SLC15A5: variants seen among roughly 807,000 people sequenced by gnomAD.
SLC15A5 encodes the protein solute carrier family 15 member 5, also known as Peptide/histidine transporter ENSP00000340402.
In SLC15A5, 58 loss-of-function variants were observed where a neutral mutation model predicts 56.1. The ratio of observed to expected loss-of-function variants is 1.03; its 90% CI spans 0.84 to 1.29. The LOEUF (loss-of-function observed/expected upper bound fraction) is 1.29. Among genes scored for constraint, SLC15A5 ranks in the 50% most tolerant of loss-of-function variants. SLC15A5 has a pLI of 0.00. For synonymous variants in SLC15A5, 264 were observed against 250.5 expected (o/e 1.05, Z -0.51); for missense variants, 681 against 672.1 (o/e 1.01, Z -0.15).
rs1163217681 is a variant in SLC15A5, at chr12:16,255,177, A to G, written c.754+2524T>C. 2.0e-5 allele frequency among the ~76,000 whole-genome samples: 3 copies of G among 152,216 alleles called. No individual in the cohort carries two copies. In the East Asian group the frequency reaches 5.8e-4, roughly 29 times the overall value. On this transcript the variant is annotated intron_variant, in intron 3 of 8. Transcript: ENST00000344941. ...GCTGAATGCCTGAGCTGAAAATTAC[A>G]TGTTCATCTTATACACTCAGAAAAA...
intron 2 of SLC15A5, among the ~76,000 whole-genome samples, chr12:16,259,985 G>A (rs1864627791): frequency 1.3e-5 from 2 of 151,750 alleles, no homozygotes; most frequent in South Asian, 4.2e-4. Context: ...AACATCACCC[G>A]ACTTGGGAAT....
intron 3 of SLC15A5, among the ~76,000 whole-genome samples, chr12:16,252,478 C>T (rs1183367945): frequency 6.6e-6 from 1 of 151,970 alleles, no homozygotes. Flanking sequence ...ACAAGATCAG[C>T]ACTCAAAAAT....
At chr12:16,241,874 C>A (rs1219976469) in intron 4 of SLC15A5, among the ~76,000 whole-genome samples, 4 of 152,138 alleles carry the variant, frequency 2.6e-5, no homozygotes, top group African/African-American at 9.7e-5. Context: ...TTTAGTGAAG[C>A]AATATTAATA....
rs368052861 is a variant in SLC15A5, at chr12:16,203,960, A to G, written c.1484-9507T>C. The stretch of plus-strand genomic sequence containing the variant: ...GAAAATGAATCAGTTCAAATAGCAA[A>G]AAGGAAAAATGTATAAAATGTCTAT... On this transcript the variant is annotated intron_variant, in intron 7 of 8. Transcript: ENST00000344941. 5.3e-5 allele frequency among the ~76,000 whole-genome samples: 8 copies of G among 152,296 alleles called. No individual in the cohort carries two copies. The East Asian group carries it at 1.2e-3, about 22-fold the overall frequency.
intron 7 of SLC15A5, among the ~76,000 whole-genome samples, chr12:16,205,610 CA>C (rs1864011376): frequency 9.5e-6 from 1 of 105,740 alleles, no homozygotes; most frequent in African/African-American, 3.3e-5. Flanking sequence ...CACACACACA[CA>C]TATATATACA....
At chr12:16,234,479 A>G (rs1245201119) in intron 5 of SLC15A5, among the ~76,000 whole-genome samples, 1 of 152,226 alleles carries the variant, frequency 6.6e-6, no homozygotes, top group Non-Finnish European at 1.5e-5. Flanking sequence ...TCCGACCTAA[A>G]TTTAATCCAC....
chr12:16,205,598 C>CACACACATAT lies in SLC15A5; in HGVS notation c.1484-11146_1484-11145insATATGTGTGT, dbSNP rs1565657641. Among the ~76,000 whole-genome samples the CACACACATAT allele has an allele frequency of 7.5e-4, 43 of 57,702 alleles. 1 individual carries two copies. The highest frequency in any genetic ancestry group is 4.0e-3 in the South Asian group (6 of 1,482). 37.9% of individuals were successfully genotyped at this position (57,702 alleles called of 152,430 possible). Reference sequence around the variant, plus strand: ...AAAGGTGCATATATATATACATATACACACACACACACATATATATACACA... The same window carrying CACACACATAT: ...AAAGGTGCATATATATATACATATACACACACATATACACACACACACATATATATACACA... On this transcript the variant is annotated intron_variant, in intron 7 of 8. Transcript: ENST00000344941.
At chr12:16,247,081 T>TCTCTTAGTG (rs1300502992) in intron 3 of SLC15A5, among the ~76,000 whole-genome samples, 1 of 152,164 alleles carries the variant, frequency 6.6e-6, no homozygotes, top group Admixed American at 6.5e-5. Flanking sequence ...CTATATGTTT[T>TCTCTTAGTG]CTCTTAGTGT....
At chr12:16,231,984 A>G (rs767427999) in intron 5 of SLC15A5, among the ~76,000 whole-genome samples, 2 of 152,244 alleles carry the variant, frequency 1.3e-5, no homozygotes, top group Non-Finnish European at 2.9e-5. Context: ...CATTCTACAG[A>G]GAAACCCCAT....
chr12:16,249,930 A>G (rs1408684197), intron 3 of SLC15A5, among the ~76,000 whole-genome samples: 1 of 151,868 alleles, frequency 6.6e-6, no homozygotes, highest in Non-Finnish European at 1.5e-5. Flanking sequence ...GCTATTGGGG[A>G]CTTTTTGCAT....
At chr12:16,216,844 C>T in intron 7 of SLC15A5, 49 bp downstream of exon 7, 2 of 1,472,346 alleles carry the variant, frequency 1.4e-6, no homozygotes, top group Non-Finnish European at 1.8e-6. Flanking sequence ...CTCCCCATTC[C>T]CTAGTCATCA....
chr12:16,211,596 A>G (rs954447890), intron 7 of SLC15A5, among the ~76,000 whole-genome samples: 1 of 152,134 alleles, frequency 6.6e-6, no homozygotes, highest in African/African-American at 2.4e-5. Context: ...TGCTATTTTT[A>G]TGAAAAGGTT....
chr12:16,254,173 G>A (rs1368212401), intron 3 of SLC15A5, among the ~76,000 whole-genome samples: 2 of 152,006 alleles, frequency 1.3e-5, no homozygotes, highest in South Asian at 2.1e-4. Context: ...ATGGATAAAC[G>A]TTGAGGATAT....
intron 5 of SLC15A5, among the ~76,000 whole-genome samples, chr12:16,227,368 GCT>G (rs1864252609): frequency 6.6e-6 from 1 of 152,106 alleles, no homozygotes; most frequent in African/African-American, 2.4e-5. Flanking sequence ...TTTAATATTT[GCT>G]CTGTTCCTGC....
At chr12:16,214,703 A>G (rs1864113482) in intron 7 of SLC15A5, among the ~76,000 whole-genome samples, 1 of 152,202 alleles carries the variant, frequency 6.6e-6, no homozygotes, top group Non-Finnish European at 1.5e-5. Context: ...GAACCCTCCC[A>G]GATCTTGTTC....
chr12:16,206,263 G>C (rs1624759), intron 7 of SLC15A5, among the ~76,000 whole-genome samples: 1 of 151,978 alleles, frequency 6.6e-6, no homozygotes. Flanking sequence ...TGGGGCTACA[G>C]AAATCTACCT....
chr12:16,196,121 C>A lies in SLC15A5; in HGVS notation c.1484-1668G>T, dbSNP rs1332308243. Among the ~76,000 whole-genome samples the A allele has an allele frequency of 6.6e-6, 1 of 151,876 alleles. No homozygotes were observed. The highest frequency in any genetic ancestry group is 1.5e-5 in the Non-Finnish European group (1 of 67,978). The stretch of plus-strand genomic sequence containing the variant: ...TTTCAGTATTTAGATCAGTGCCTGA[C>A]AAATAGGGATTATTTGGCAAAATAA... On this transcript the variant is annotated intron_variant, in intron 7 of 8. Coordinates refer to ENST00000344941, the MANE Select transcript of SLC15A5 (RefSeq NM_001170798.1). This position sits in a 1 kb window ranked among gnomAD's most constrained non-coding sequence, Gnocchi z 4.0.
At chr12:16,252,150 A>T (rs1864525427) in intron 3 of SLC15A5, among the ~76,000 whole-genome samples, 1 of 152,044 alleles carries the variant, frequency 6.6e-6, no homozygotes, top group African/African-American at 2.4e-5. Flanking sequence ...TAAGAATAGC[A>T]GGAAACTACC....
intron 6 of SLC15A5, among the ~76,000 whole-genome samples, chr12:16,220,730 T>C (rs1044576794): frequency 9.9e-5 from 15 of 152,174 alleles, no homozygotes; most frequent in Admixed American, 4.6e-4. Context: ...TTGTGCACCC[T>C]TCTCTGATTA....
Sources: allele counts gnomAD v4.1 joint callset (sites outside exome capture counted in the v4.1 genomes callset), GRCh38; gene constraint gnomAD v4.1.1; non-coding constraint Gnocchi (gnomAD v3.1); transcripts MANE v1.5; gene names NCBI Gene and HGNC (gene_info 2026-07-23, HGNC 2026-07-21).